The following KDM2B variants were observed in gnomAD, a reference collection of about 807,000 sequenced individuals.
KDM2B encodes lysine demethylase 2B.
Under a neutral mutation model 150.0 loss-of-function variants are expected in KDM2B, and 26 were observed. The ratio of observed to expected loss-of-function variants is 0.17; its 90% CI spans 0.13 to 0.24. KDM2B has a LOEUF of 0.24. Among genes scored for constraint, KDM2B ranks in the 10% least tolerant of loss-of-function variants. The pLI, the probability that KDM2B is intolerant of heterozygous loss-of-function variation, is 1.00. For synonymous variants in KDM2B, 734 were observed against 729.5 expected (o/e 1.01, Z -0.10); for missense variants, 1,265 against 1,816.9 (o/e 0.70, Z 5.52).
chr12:121,436,947 G>T (rs984252949), intron 22 of KDM2B, among the ~76,000 whole-genome samples: 9 of 152,204 alleles, frequency 5.9e-5, no homozygotes, highest in African/African-American at 1.7e-4. Flanking sequence ...TCTATACCCA[G>T]CAGAACTAGC....
chr12:121,487,832 G>A (rs1354279655), intron 12 of KDM2B, among the ~76,000 whole-genome samples: 5 of 148,654 alleles, frequency 3.4e-5, no homozygotes, highest in Admixed American at 2.7e-4. Context: ...CTTGCCCTGT[G>A]GCACGGTGTC....
chr12:121,565,870 A>G (rs1594141261), intron 4 of KDM2B, among the ~76,000 whole-genome samples: 1 of 148,778 alleles, frequency 6.7e-6, no homozygotes, highest in South Asian at 2.1e-4. Context: ...GAGGTGATCC[A>G]CCCATCTTGG....
intron 6 of KDM2B, among the ~76,000 whole-genome samples, chr12:121,540,557 T>C (rs1173232494): frequency 6.6e-6 from 1 of 151,764 alleles, no homozygotes; most frequent in Non-Finnish European, 1.5e-5. Flanking sequence ...AAGACCAGCC[T>C]GGCCAACATG....
intron 4 of KDM2B, among the ~76,000 whole-genome samples, chr12:121,561,348 G>T (rs1890325881): frequency 6.6e-6 from 1 of 152,126 alleles, no homozygotes; most frequent in Admixed American, 6.6e-5. Flanking sequence ...TTTCTGGACT[G>T]GTTTTGTATT....
At chr12:121,466,987 G>A (rs1210468713) in intron 12 of KDM2B, among the ~76,000 whole-genome samples, 3 of 148,534 alleles carry the variant, frequency 2.0e-5, no homozygotes, top group East Asian at 3.9e-4. Flanking sequence ...GGCCTGCCGC[G>A]CTCCTCTACG....
intron 6 of KDM2B, among the ~76,000 whole-genome samples, chr12:121,546,379 CTTTTTT>C (rs371614406): frequency 1.0e-5 from 1 of 97,478 alleles, no homozygotes; most frequent in East Asian, 3.5e-4. Context: ...TTTTTTTTGC[CTTTTTT>C]TTTTTTTTTT....
rs782024597 is a variant in KDM2B at position 121,521,145 on chromosome 12, G to C, written c.932-45C>G. 1 of 1,353,896 alleles carries C rather than the reference G, an allele frequency of 7.4e-7. No homozygotes were observed. 83.9% of individuals were successfully genotyped at this position (1,353,896 alleles called of 1,614,324 possible). On this transcript the variant is annotated intron_variant, in intron 8 of 22. Transcript: ENST00000377071. This position sits in a 1 kb window ranked among gnomAD's most constrained non-coding sequence, Gnocchi z 4.9. ...GAGAGGATGAGCCGCTGGCCCCTGT[G>C]GGCTCCCACACCTCACAAGGCTGCA...
chr12:121,580,606 G>GAGGGA, intron 1 of KDM2B, 180 bp downstream of exon 1: 1 of 947,672 alleles, frequency 1.1e-6, no homozygotes, highest in Non-Finnish European at 1.5e-6. Context: ...GGCGGGGAGG[G>GAGGGA]AGGTGCAGAT....
At chr12:121,510,088 G>A (rs1284214554) in intron 10 of KDM2B, 49 bp from the exon 11 acceptor site, 2 of 1,470,586 alleles carry the variant, frequency 1.4e-6, no homozygotes, top group Non-Finnish European at 1.8e-6. Context: ...CTAACTCCCT[G>A]CCAAGGTCTT....
the KDM2B span, among the ~76,000 whole-genome samples, chr12:121,415,958 T>C: frequency 6.6e-6 from 1 of 151,680 alleles, no homozygotes; most frequent in African/African-American, 2.4e-5. Flanking sequence ...CAAGAGATCA[T>C]GGGTATTGGC....
intron 2 of KDM2B, among the ~76,000 whole-genome samples, chr12:121,577,156 G>A (rs1304633951): frequency 6.6e-6 from 1 of 152,132 alleles, no homozygotes; most frequent in Non-Finnish European, 1.5e-5. Context: ...AGCCGGGAGA[G>A]CAGATCTAAG....
intron 4 of KDM2B, among the ~76,000 whole-genome samples, chr12:121,557,384 C>T (rs1889980696): frequency 1.3e-5 from 2 of 151,862 alleles, no homozygotes; most frequent in Admixed American, 6.6e-5. Flanking sequence ...ATTACAGGCG[C>T]CTACCACCAC....
intron 10 of KDM2B, among the ~76,000 whole-genome samples, chr12:121,511,956 T>C (rs936716830): frequency 8.5e-5 from 13 of 152,138 alleles, no homozygotes; most frequent in African/African-American, 2.9e-4. Context: ...GTAAGGAAGA[T>C]GTGGGTACTG....
chr12:121,481,216 G>A (rs541202825), intron 12 of KDM2B, among the ~76,000 whole-genome samples: 2 of 152,066 alleles, frequency 1.3e-5, no homozygotes, highest in East Asian at 1.9e-4. Context: ...GTGAGCCACC[G>A]GGCCCAGCCG....
At chr12:121,535,768 T>C (rs1888039823) in intron 6 of KDM2B, among the ~76,000 whole-genome samples, 1 of 152,128 alleles carries the variant, frequency 6.6e-6, no homozygotes, top group Non-Finnish European at 1.5e-5. Context: ...CACCCTTCCT[T>C]GCAGAAACAC....
chr12:121,510,368 C>T (rs146774474), intron 10 of KDM2B, among the ~76,000 whole-genome samples: 1 of 152,108 alleles, frequency 6.6e-6, no homozygotes, highest in South Asian at 2.1e-4. Context: ...CTCCGCCTCC[C>T]GGGTTCAAGT....
Position 121,467,298 on chromosome 12 carries a change from C to T in KDM2B, c.1735-13954G>A. On this transcript the variant is annotated intron_variant, in intron 12 of 22. Coordinates refer to ENST00000377071, the MANE Select transcript of KDM2B (RefSeq NM_032590.5). The surrounding 1 kb of genome is among the most constrained non-coding windows in gnomAD (Gnocchi z 5.1). ...CCCGCCCGGAGCAGGCTCGGCTCGCCCTGGCTCGGGCTCGGGCTCGGGCTC... is the reference window on the plus strand; with the variant it reads ...CCCGCCCGGAGCAGGCTCGGCTCGCTCTGGCTCGGGCTCGGGCTCGGGCTC... 1.0e-6 allele frequency: 1 copy of T among 983,964 alleles called. No homozygotes were observed. Among genetic ancestry groups the T allele is most frequent in the Non-Finnish European group, 1.2e-6 (1 of 829,860 alleles). 61.0% of individuals were successfully genotyped at this position (983,964 alleles called of 1,614,324 possible).
At chr12:121,578,992 T>A in intron 1 of KDM2B, 46 bp from the exon 2 acceptor site, 5 of 1,583,578 alleles carry the variant, frequency 3.2e-6, no homozygotes, top group Non-Finnish European at 4.3e-6. Flanking sequence ...TTGTGGGGGC[T>A]GGAGGTCGCC....
chr12:121,443,641 G>T (rs1875586873), intron 17 of KDM2B, 39 bp downstream of exon 17: 1 of 1,295,156 alleles, frequency 7.7e-7, no homozygotes, highest in Non-Finnish European at 1.1e-6. Flanking sequence ...GGACTCGCCA[G>T]TCCCCGGGGC....
Sources: gnomAD v4.1 joint callset for allele counts (sites outside exome capture counted in the v4.1 genomes callset) on GRCh38, gnomAD v4.1.1 for gene constraint, Gnocchi (gnomAD v3.1) non-coding constraint, MANE v1.5 for transcripts, NCBI Gene and HGNC (gene_info 2026-07-23, HGNC 2026-07-21) for gene names.